The following PTPRD variants were observed in gnomAD, a reference collection of about 807,000 sequenced individuals.
PTPRD encodes the protein protein tyrosine phosphatase receptor type D.
A neutral mutation model predicts 214.5 loss-of-function variants in PTPRD; 34 were observed. That is an observed-to-expected ratio of 0.16 (90% confidence interval 0.12 to 0.21). The LOEUF is 0.21. Ranked by LOEUF, PTPRD falls within the 10% of genes least tolerant of loss-of-function variation. The pLI, the probability that PTPRD is intolerant of heterozygous loss-of-function variation, is 1.00. For missense variants in PTPRD, 2,545 were observed against 2,398.7 expected, an observed-to-expected ratio of 1.06 and a Z score of -1.27; for synonymous variants, 1,128 against 845.7, an observed-to-expected ratio of 1.33 and a Z score of -5.79.
intron 5 of PTPRD, among the ~76,000 whole-genome samples, chr9:9,823,413 G>C (rs899310607): frequency 1.3e-5 from 2 of 152,050 alleles, no homozygotes; most frequent in Admixed American, 6.6e-5. Flanking sequence ...CACAAGCCTG[G>C]AGGGATCTGT....
chr9:10,515,424 G>A (rs1374374456), intron 2 of PTPRD, among the ~76,000 whole-genome samples: 2 of 151,918 alleles, frequency 1.3e-5, no homozygotes, highest in Non-Finnish European at 2.9e-5. Flanking sequence ...GCCATTTGGC[G>A]ATATACACTA....
chr9:8,418,202 G>A (rs59151440), intron 35 of PTPRD, among the ~76,000 whole-genome samples: 1 of 151,606 alleles, frequency 6.6e-6, no homozygotes, highest in African/African-American at 2.4e-5. Context: ...TTCTTGCTTG[G>A]AGAGCACTTT....
At chr9:8,440,596 G>C (rs2095515551) in intron 34 of PTPRD, among the ~76,000 whole-genome samples, 1 of 152,142 alleles carries the variant, frequency 6.6e-6, no homozygotes. Flanking sequence ...TACAGGCGTG[G>C]GCCGCTGCGC....
intron 15 of PTPRD, among the ~76,000 whole-genome samples, chr9:8,527,756 A>C (rs2139396695): frequency 6.6e-6 from 1 of 152,286 alleles, no homozygotes; most frequent in South Asian, 2.1e-4. Flanking sequence ...TAAGAGAGCA[A>C]AGGCATAAAC....
At chr9:9,698,181 C>T (rs1396966112) in intron 7 of PTPRD, among the ~76,000 whole-genome samples, 8 of 152,136 alleles carry the variant, frequency 5.3e-5, no homozygotes, top group Non-Finnish European at 8.8e-5. Flanking sequence ...GGTCATAGTT[C>T]CCTCTTTACT....
intron 30 of PTPRD, among the ~76,000 whole-genome samples, chr9:8,480,675 A>G (rs1055876344): frequency 6.6e-6 from 1 of 152,240 alleles, no homozygotes. Flanking sequence ...CATATCAATT[A>G]TATTTCAATA....
chr9:10,462,223 AAAAAT>A (rs1394948039), intron 2 of PTPRD, among the ~76,000 whole-genome samples: 14 of 152,168 alleles, frequency 9.2e-5, no homozygotes, highest in Non-Finnish European at 2.1e-4. Context: ...GTTTATTTTA[AAAAAT>A]AAAATAAAAT....
chr9:9,650,506 T>C (rs1035884795), intron 7 of PTPRD, among the ~76,000 whole-genome samples: 2 of 152,186 alleles, frequency 1.3e-5, no homozygotes, highest in Admixed American at 6.5e-5. Context: ...ACAAGGATAA[T>C]GCCCTGAAAT....
At chr9:9,220,212 C>A (rs532455152) in intron 9 of PTPRD, among the ~76,000 whole-genome samples, 1 of 151,802 alleles carries the variant, frequency 6.6e-6, no homozygotes, top group South Asian at 2.1e-4. Flanking sequence ...TAAATGGACA[C>A]ATTCAAATAA....
intron 9 of PTPRD, among the ~76,000 whole-genome samples, chr9:9,324,389 G>T (rs1377812929): frequency 6.6e-6 from 1 of 152,146 alleles, no homozygotes; most frequent in African/African-American, 2.4e-5. Flanking sequence ...ATTCTAACTG[G>T]TGTGAGATGG....
At chr9:8,938,693 G>T (rs2099013235) in intron 11 of PTPRD, among the ~76,000 whole-genome samples, 1 of 151,660 alleles carries the variant, frequency 6.6e-6, no homozygotes, top group African/African-American at 2.4e-5. Context: ...TTAGTACAAA[G>T]GGTCCACTAA....
At chr9:8,604,498 T>A (rs577679814) in intron 14 of PTPRD, among the ~76,000 whole-genome samples, 1 of 152,188 alleles carries the variant, frequency 6.6e-6, no homozygotes, top group Non-Finnish European at 1.5e-5. Flanking sequence ...TAAGGGTAAG[T>A]CCAAGATGAG....
intron 12 of PTPRD, among the ~76,000 whole-genome samples, chr9:8,721,810 G>A (rs184382344): frequency 4.6e-5 from 7 of 152,174 alleles, no homozygotes; most frequent in Non-Finnish European, 1.0e-4. Context: ...CTGATTTCAA[G>A]AGCTTGTGAA....
intron 34 of PTPRD, among the ~76,000 whole-genome samples, chr9:8,445,701 T>A (rs895950866): frequency 5.9e-5 from 9 of 152,084 alleles, no homozygotes; most frequent in African/African-American, 2.2e-4. Flanking sequence ...AGAAAAAAAA[T>A]TTATTCAACA....
At chr9:9,851,397 A>C (rs954694660) in intron 5 of PTPRD, among the ~76,000 whole-genome samples, 10 of 152,200 alleles carry the variant, frequency 6.6e-5, no homozygotes, top group Non-Finnish European at 1.3e-4. Context: ...TCAATGGAGG[A>C]TCAATTATAT....
intron 9 of PTPRD, among the ~76,000 whole-genome samples, chr9:9,343,463 T>C (rs1202730993): frequency 6.6e-6 from 1 of 152,212 alleles, no homozygotes; most frequent in Non-Finnish European, 1.5e-5. Flanking sequence ...TTTGCATTTC[T>C]CTAATGACCA....
intron 10 of PTPRD, among the ~76,000 whole-genome samples, chr9:9,123,794 T>C (rs998094731): frequency 1.3e-5 from 2 of 152,100 alleles, no homozygotes; most frequent in African/African-American, 4.8e-5. Flanking sequence ...AGTCATCACA[T>C]GCAAATTTAG....
At chr9:10,011,122 G>A (rs1054279024) in intron 4 of PTPRD, among the ~76,000 whole-genome samples, 7 of 151,882 alleles carry the variant, frequency 4.6e-5, no homozygotes, top group Admixed American at 3.9e-4. Flanking sequence ...CCTTATACCT[G>A]TAGAAGGCAA....
At chr9:8,922,088 C>T (rs72706224) in intron 11 of PTPRD, among the ~76,000 whole-genome samples, 1 of 152,102 alleles carries the variant, frequency 6.6e-6, no homozygotes, top group Non-Finnish European at 1.5e-5. Flanking sequence ...GCAGAGAATT[C>T]GTGTGTAGTT....
Sources: gnomAD v4.1 joint callset for allele counts (sites outside exome capture counted in the v4.1 genomes callset) on GRCh38, gnomAD v4.1.1 for gene constraint, MANE v1.5 for transcripts, NCBI Gene and HGNC (gene_info 2026-07-23, HGNC 2026-07-21) for gene names.